Variants in PKP4 observed in about 807,000 individuals in gnomAD.
PKP4 encodes plakophilin-4.
PKP4 carries 90 observed loss-of-function variants against 145.1 expected under a neutral mutation model. The ratio of observed to expected loss-of-function variants is 0.62; its 90% CI spans 0.52 to 0.74. The LOEUF (loss-of-function observed/expected upper bound fraction) is 0.74, where lower values mean the gene tolerates loss of function less well. Among genes scored for constraint, PKP4 ranks in the 30% least tolerant of loss-of-function variants. The pLI, the probability that PKP4 is intolerant of heterozygous loss-of-function variation, is 0.00. For missense variants in PKP4, 1,340 were observed against 1,482.7 expected, an observed-to-expected ratio of 0.90 and a Z score of 1.58; for synonymous variants, 563 against 577.2, an observed-to-expected ratio of 0.98 and a Z score of 0.35.
Position 158,621,373 on chromosome 2 carries a change from C to G in PKP4, c.555C>G (p.Asn185Lys). ...RQQHSFIGST[N>K]NHVVRNSRAE... ...AGCATTCATTCATAGGATCAACTAA[C>G]AACCATGTGGTGAGGAATTCAAGAG... Residue 185 changes from asparagine (N) to lysine (K), a missense_variant, in exon 6 of 22, where the codon AAC (asparagine) becomes AAG (lysine). Asn to Lys is a moderately conservative substitution (Grantham distance 94). Transcript: ENST00000389759. 1 of 1,614,170 alleles carries G rather than the reference C, an allele frequency of 6.2e-7. No homozygotes were observed. The highest frequency in any genetic ancestry group is 8.5e-7 in the Non-Finnish European group (1 of 1,180,014).
At chr2:158,586,100 T>C (rs2048781997) in intron 3 of PKP4, among the ~76,000 whole-genome samples, 1 of 152,216 alleles carries the variant, frequency 6.6e-6, no homozygotes, top group South Asian at 2.1e-4. Flanking sequence ...CATGTATTGG[T>C]ACTTCATCTT....
At chr2:158,672,666 A>G (rs1288496736) in intron 17 of PKP4, among the ~76,000 whole-genome samples, 1 of 152,194 alleles carries the variant, frequency 6.6e-6, no homozygotes. Flanking sequence ...TGCCTGTTCC[A>G]TAGTCCAATT....
At chr2:158,564,789 CT>C (rs2046837327) in intron 2 of PKP4, among the ~76,000 whole-genome samples, 1 of 152,136 alleles carries the variant, frequency 6.6e-6, no homozygotes, top group African/African-American at 2.4e-5. Context: ...GGTAATCTAG[CT>C]TTGTTTTCTC....
intron 9 of PKP4, among the ~76,000 whole-genome samples, chr2:158,639,514 T>G (rs2105927754): frequency 6.6e-6 from 1 of 152,290 alleles, no homozygotes; most frequent in South Asian, 2.1e-4. Context: ...ATTTTAAAGG[T>G]TTACTCAGTA....
intron 19 of PKP4, among the ~76,000 whole-genome samples, chr2:158,675,458 A>G (rs2057927208): frequency 6.6e-6 from 1 of 152,192 alleles, no homozygotes; most frequent in Non-Finnish European, 1.5e-5. Flanking sequence ...TAGTTACTGA[A>G]TAGTGACCTT....
rs2058395910 is a variant in PKP4, at chr2:158,680,989, T to G, written c.*312T>G. 1 of 245,330 alleles carries G rather than the reference T, an allele frequency of 4.1e-6. No homozygotes were observed. The highest frequency in any genetic ancestry group is 7.9e-6 in the Non-Finnish European group (1 of 127,360). The allele number at this position is 245,330 out of a possible 1,614,324, so 15.2% of individuals were successfully genotyped here. ...TGGGGGATATGTAGGTCAAATCAAA[T>G]TAAAGATGATTTTTTTAATGTGAAT... On this transcript the variant is annotated 3_prime_UTR_variant, in exon 22 of 22. Coordinates refer to ENST00000389759, the MANE Select transcript of PKP4 (RefSeq NM_003628.6).
At chr2:158,602,955 T>C in intron 3 of PKP4, 115 bp from the exon 4 acceptor site, 1 of 521,788 alleles carries the variant, frequency 1.9e-6, no homozygotes, top group East Asian at 3.4e-5. Context: ...TTAAGGTTTT[T>C]GTGCTCTTGT....
At chr2:158,554,431 T>TA (rs60041274) in intron 2 of PKP4, among the ~76,000 whole-genome samples, 21,524 of 85,876 alleles carry the variant, frequency 0.25, 1,715 homozygotes, top group Middle Eastern at 0.47. Context: ...TTATTATTAT[T>TA]TTTTTTTTTT....
At chr2:158,497,661 C>T (rs1270793863) in intron 1 of PKP4, among the ~76,000 whole-genome samples, 1 of 152,148 alleles carries the variant, frequency 6.6e-6, no homozygotes, top group Non-Finnish European at 1.5e-5. Context: ...TTCTCTGGCT[C>T]TGTGTACTCA....
rs182792044 is a variant in PKP4, at chr2:158,664,747, T to C, written c.2577+1302T>C. On this transcript the variant is annotated intron_variant, in intron 15 of 21. Coordinates refer to ENST00000389759, the MANE Select transcript of PKP4 (RefSeq NM_003628.6). ...AGTGCTGGCTCTGAATCCAGGCCAC[T>C]CTGCTTACCGTCTGGCAGCCTAGGG... Among the ~76,000 whole-genome samples the C allele has an allele frequency of 4.8e-3, 738 of 152,350 alleles. 6 individuals are homozygous for C. Among genetic ancestry groups the C allele is most frequent in the African/African-American group, 0.017 (714 of 41,578 alleles).
chr2:158,575,416 T>C (rs1306254817), intron 2 of PKP4, among the ~76,000 whole-genome samples: 1 of 152,232 alleles, frequency 6.6e-6, no homozygotes, highest in Non-Finnish European at 1.5e-5. Flanking sequence ...GCAGGAACTT[T>C]CCCAGCCATT....
intron 3 of PKP4, among the ~76,000 whole-genome samples, chr2:158,599,146 G>A (rs375729171): frequency 2.0e-5 from 3 of 152,158 alleles, no homozygotes; most frequent in African/African-American, 7.2e-5. Flanking sequence ...TCAGAGGTGA[G>A]TGTTTGAAAA....
chr2:158,491,329 G>T (rs552927987), intron 1 of PKP4, among the ~76,000 whole-genome samples: 1 of 152,100 alleles, frequency 6.6e-6, no homozygotes, highest in African/African-American at 2.4e-5. Flanking sequence ...TGAGCTGTGC[G>T]GTGCTGATAC....
chr2:158,477,005 A>G (rs1692578276), intron 1 of PKP4, among the ~76,000 whole-genome samples: 1 of 152,194 alleles, frequency 6.6e-6, no homozygotes, highest in African/African-American at 2.4e-5. Flanking sequence ...TGTTCTGTGA[A>G]CACCTGTATA....
chr2:158,545,680 T>G (rs953368198), intron 2 of PKP4, among the ~76,000 whole-genome samples: 1 of 152,236 alleles, frequency 6.6e-6, no homozygotes, highest in African/African-American at 2.4e-5. Context: ...AGGTTTATGC[T>G]TGATTTAAAC....
intron 9 of PKP4, among the ~76,000 whole-genome samples, chr2:158,637,373 C>T (rs1223014560): frequency 2.0e-5 from 3 of 152,176 alleles, no homozygotes; most frequent in Non-Finnish European, 4.4e-5. Flanking sequence ...GCAGCAGCCA[C>T]TTTCCACCAG....
chr2:158,560,309 G>T (rs1430461667), intron 2 of PKP4, among the ~76,000 whole-genome samples: 1 of 152,122 alleles, frequency 6.6e-6, no homozygotes, highest in African/African-American at 2.4e-5. Context: ...GTAGCAAAAA[G>T]GAACCACTAT....
intron 3 of PKP4, among the ~76,000 whole-genome samples, chr2:158,601,452 A>G (rs2050220524): frequency 6.6e-6 from 1 of 152,188 alleles, no homozygotes; most frequent in Non-Finnish European, 1.5e-5. Context: ...TAAATAACAA[A>G]AACAGATTGA....
At chr2:158,540,691 T>C (rs2044441791) in intron 2 of PKP4, among the ~76,000 whole-genome samples, 1 of 152,196 alleles carries the variant, frequency 6.6e-6, no homozygotes, top group South Asian at 2.1e-4. Context: ...ATGTATTATG[T>C]CAGTTTTATG....
Sources: allele counts gnomAD v4.1 joint callset (sites outside exome capture counted in the v4.1 genomes callset), GRCh38; gene constraint gnomAD v4.1.1; transcripts MANE v1.5; gene names NCBI Gene and HGNC (gene_info 2026-07-23, HGNC 2026-07-21).